Variants in RIMS1 observed in about 807,000 individuals in gnomAD.
RIMS1 encodes the protein regulating synaptic membrane exocytosis protein 1.
In RIMS1, 83 loss-of-function variants were observed where a neutral mutation model predicts 214.1. The ratio of observed to expected loss-of-function variants is 0.39; its 90% CI spans 0.32 to 0.47. The LOEUF is 0.47. Ranked by LOEUF, RIMS1 falls within the 20% of genes least tolerant of loss-of-function variation. The probability of loss-of-function intolerance (pLI) is 0.99; values close to 1 mark genes in which losing one functional copy is unlikely to be tolerated. For missense variants in RIMS1, 2,050 were observed against 2,161.8 expected, an observed-to-expected ratio of 0.95 and a Z score of 1.03; for synonymous variants, 793 against 786.8, an observed-to-expected ratio of 1.01 and a Z score of -0.13.
chr6:72,159,348 T>G (rs1307448031), intron 4 of RIMS1, among the ~76,000 whole-genome samples: 1 of 140,460 alleles, frequency 7.1e-6, no homozygotes, highest in Non-Finnish European at 1.6e-5. Flanking sequence ...GTAGGTTGCC[T>G]GTTCACTCTG....
intron 2 of RIMS1, among the ~76,000 whole-genome samples, chr6:71,994,763 AC>A (rs1257058754): frequency 1.3e-5 from 2 of 152,204 alleles, no homozygotes; most frequent in African/African-American, 4.8e-5. Context: ...TGTATTTTAT[AC>A]ATATTAAAAA....
At chr6:72,343,232 G>A (rs1025821119) in intron 29 of RIMS1, among the ~76,000 whole-genome samples, 3 of 151,764 alleles carry the variant, frequency 2.0e-5, no homozygotes, top group Admixed American at 1.3e-4. Flanking sequence ...ATGACCATAA[G>A]ATTCTTTGAG....
At chr6:72,284,685 ACTTTTT>A (rs2091660313) in intron 24 of RIMS1, among the ~76,000 whole-genome samples, 1 of 5,404 alleles carries the variant, frequency 1.9e-4, no homozygotes, top group Non-Finnish European at 2.7e-3. Context: ...ACATATTGAC[ACTTTTT>A]TTTTTAACAT....
chr6:72,160,669 A>G (rs1404286594), intron 4 of RIMS1, among the ~76,000 whole-genome samples: 1 of 140,990 alleles, frequency 7.1e-6, no homozygotes, highest in Admixed American at 7.3e-5. Context: ...GGTTCTGTTT[A>G]TATGCTGGCT....
At chr6:72,304,455 T>C (rs1409137021) in intron 26 of RIMS1, among the ~76,000 whole-genome samples, 2 of 151,832 alleles carry the variant, frequency 1.3e-5, no homozygotes, top group Non-Finnish European at 3.0e-5. Context: ...ATTACTACTA[T>C]TCTCCATATA....
intron 29 of RIMS1, among the ~76,000 whole-genome samples, chr6:72,368,875 T>C (rs1483539044): frequency 6.6e-6 from 1 of 151,918 alleles, no homozygotes; most frequent in Non-Finnish European, 1.5e-5. Context: ...ACTTGGTTGT[T>C]GGGAAGATGT....
intron 28 of RIMS1, among the ~76,000 whole-genome samples, chr6:72,326,599 T>A (rs1164848547): frequency 6.6e-6 from 1 of 151,854 alleles, no homozygotes; most frequent in Non-Finnish European, 1.5e-5. Flanking sequence ...AATCAGTACA[T>A]ATTCTACAAT....
chr6:72,116,256 C>T (rs566747052), intron 4 of RIMS1, among the ~76,000 whole-genome samples: 1 of 151,884 alleles, frequency 6.6e-6, no homozygotes, highest in Non-Finnish European at 1.5e-5. Context: ...TGGCTTAGAC[C>T]ATGGTGAGCT....
intron 2 of RIMS1, among the ~76,000 whole-genome samples, chr6:72,096,360 G>A (rs970719513): frequency 6.6e-6 from 1 of 152,136 alleles, no homozygotes; most frequent in African/African-American, 2.4e-5. Flanking sequence ...ATCCCAAATA[G>A]ATAAGTAGCC....
chr6:72,024,900 G>GTTTTTTTTTTTTTTTT lies in RIMS1; in HGVS notation c.245+55845_245+55860dup, dbSNP rs777214787. ...AACTCAGGATTCTTAAAATCTGTGG[G>GTTTTTTTTTTTTTTTT]TTTTTTTTTTTTTTTTTTTTTTTGA... On this transcript the variant is annotated intron_variant, in intron 2 of 33. Transcript: ENST00000521978. Among the ~76,000 whole-genome samples the GTTTTTTTTTTTTTTTT allele has an allele frequency of 4.4e-4, 43 of 98,664 alleles. 2 individuals are homozygous for GTTTTTTTTTTTTTTTT. Among genetic ancestry groups the GTTTTTTTTTTTTTTTT allele is most frequent in the African/African-American group, 1.6e-3 (42 of 26,620 alleles). The allele number at this position is 98,664 out of a possible 152,430, so 64.7% of individuals were successfully genotyped here. A position where few individuals can be genotyped will look rare whatever the true frequency, so the allele number is the denominator to read the frequency against.
At chr6:72,366,423 CTATAT>C (rs2098021807) in intron 29 of RIMS1, among the ~76,000 whole-genome samples, 1 of 152,148 alleles carries the variant, frequency 6.6e-6, no homozygotes, top group Non-Finnish European at 1.5e-5. Flanking sequence ...ATTGGAGAAG[CTATAT>C]TATATTCAAT....
intron 29 of RIMS1, among the ~76,000 whole-genome samples, chr6:72,360,718 C>CTA (rs778851044): frequency 2.2e-3 from 334 of 148,768 alleles, no homozygotes; most frequent in Non-Finnish European, 3.7e-3. Context: ...ATTTTTTTTA[C>CTA]TATATATATA....
intron 22 of RIMS1, among the ~76,000 whole-genome samples, chr6:72,267,497 A>G (rs1326331101): frequency 6.6e-6 from 1 of 152,194 alleles, no homozygotes; most frequent in Non-Finnish European, 1.5e-5. Flanking sequence ...TTAACCCTGT[A>G]TATTCAAAAT....
intron 2 of RIMS1, among the ~76,000 whole-genome samples, chr6:72,044,945 A>C (rs1169046700): frequency 1.3e-5 from 2 of 151,986 alleles, no homozygotes; most frequent in East Asian, 3.9e-4. Context: ...ACAATCTGTA[A>C]ACAACTCAAA....
intron 4 of RIMS1, among the ~76,000 whole-genome samples, chr6:72,115,116 A>T (rs1299516602): frequency 6.6e-6 from 1 of 151,908 alleles, no homozygotes; most frequent in Non-Finnish European, 1.5e-5. Flanking sequence ...ATGTTTCTTA[A>T]TCTTACACTT....
At chr6:72,262,231 T>G (rs2078358087) in intron 19 of RIMS1, 1 of 786,530 alleles carries the variant, frequency 1.3e-6, no homozygotes, top group East Asian at 1.3e-4. Flanking sequence ...TTATATAATA[T>G]TATATAATAG....
intron 1 of RIMS1, among the ~76,000 whole-genome samples, chr6:71,951,746 C>A (rs72932158): frequency 0.043 from 6,466 of 151,552 alleles, 209 homozygotes; most frequent in Non-Finnish European, 0.063. Flanking sequence ...CCATCCCCTG[C>A]CTCAAATCCC....
intron 1 of RIMS1, among the ~76,000 whole-genome samples, chr6:71,965,723 GTCGAAGAGCCCCAA>G (rs1374132165): frequency 5.8e-4 from 88 of 152,298 alleles, no homozygotes; most frequent in African/African-American, 2.0e-3. Context: ...TTAGAAGACT[GTCGAAGAGCCCCAA>G]TCTGATAAAT....
chr6:72,309,680 A>G (rs2095415793), intron 27 of RIMS1, among the ~76,000 whole-genome samples: 2 of 152,054 alleles, frequency 1.3e-5, no homozygotes, highest in African/African-American at 2.4e-5. Context: ...ATATAGTACT[A>G]TGGCTCTTAC....
Sources: allele counts gnomAD v4.1 joint callset (sites outside exome capture counted in the v4.1 genomes callset), GRCh38; gene constraint gnomAD v4.1.1; transcripts MANE v1.5; gene names NCBI Gene and HGNC (gene_info 2026-07-23, HGNC 2026-07-21).